Variants in GARS1 observed in about 807,000 individuals in gnomAD.
The protein encoded by GARS1 is glycine--tRNA ligase.
A neutral mutation model predicts 86.4 loss-of-function variants in GARS1; 46 were observed. The observed-to-expected ratio is 0.53, with a 90% CI of 0.42 to 0.68. The LOEUF (loss-of-function observed/expected upper bound fraction) is 0.68. Among genes scored for constraint, GARS1 ranks in the 30% least tolerant of loss-of-function variants. The probability of loss-of-function intolerance (pLI) is 0.00; values close to 1 mark genes in which losing one functional copy is unlikely to be tolerated. For missense variants in GARS1, 797 were observed against 915.6 expected (o/e 0.87, Z 1.67); for synonymous variants, 342 against 329.8 (o/e 1.04, Z -0.40).
chr7:30,625,255 C>G (rs964710664), intron 12 of GARS1, among the ~76,000 whole-genome samples: 1 of 152,090 alleles, frequency 6.6e-6, no homozygotes, highest in Non-Finnish European at 1.5e-5. Context: ...AATTGCAACT[C>G]TTTTATAGCT....
chr7:30,610,552 A>G (rs1476370329), intron 7 of GARS1, among the ~76,000 whole-genome samples: 1 of 152,204 alleles, frequency 6.6e-6, no homozygotes, highest in Non-Finnish European at 1.5e-5. Context: ...TGTTGCAGTT[A>G]ATTATTCTAA....
rs1204535363 is a variant in GARS1 at position 30,632,228 on chromosome 7, C to T, written c.1904-19C>T. On this transcript the variant is annotated intron_variant, in intron 15 of 16. Coordinates refer to ENST00000389266, the MANE Select transcript of GARS1 (RefSeq NM_002047.4). The surrounding 1 kb of genome is among the most constrained non-coding windows in gnomAD (Gnocchi z 4.1). The stretch of plus-strand genomic sequence containing the variant: ...ACTCCATTGTTTTATTTTTAATTTA[C>T]TTTGTTTATTTTGGATAGCGGAAGC... The T allele has an allele frequency of 4.3e-6, 7 of 1,612,404 alleles. No individual in the cohort carries two copies. The highest frequency in any genetic ancestry group is 1.3e-5 in the African/African-American group (1 of 74,952).
chr7:30,633,791 T>C lies in GARS1; in HGVS notation c.2151T>C (p.Ala717=). ...TAGCCAATGGCAACATCACATGGGCTGATGTGGAGGCCAGGTATCCTCTGT... is the reference window on the plus strand; with the variant it reads ...TAGCCAATGGCAACATCACATGGGCCGATGTGGAGGCCAGGTATCCTCTGT... The part of the protein sequence containing the change: ...QDLANGNITW[A]DVEARYPLFE... The change falls in exon 17 of 17, where the codon GCT becomes GCC. Residue 717 remains alanine (A), a synonymous_variant. Transcript: ENST00000389266. 6.2e-7 allele frequency: 1 copy of C among 1,614,006 alleles called. No homozygotes were observed. Among genetic ancestry groups the C allele is most frequent in the Non-Finnish European group, 8.5e-7 (1 of 1,179,964 alleles).
intron 10 of GARS1, among the ~76,000 whole-genome samples, chr7:30,619,017 TTTG>T: frequency 6.6e-6 from 1 of 152,358 alleles, no homozygotes; most frequent in South Asian, 2.1e-4. Flanking sequence ...TACTTTTCTT[TTTG>T]TTTCATACCC....
chr7:30,633,709 C>A, intron 16 of GARS1, 26 bp from the exon 17 acceptor site: 1 of 1,612,908 alleles, frequency 6.2e-7, no homozygotes, highest in South Asian at 1.1e-5. Context: ...TTGGTTGATA[C>A]TTGGCTTCTC....
intron 8 of GARS1, among the ~76,000 whole-genome samples, chr7:30,614,473 T>C (rs960725081): frequency 6.6e-6 from 1 of 152,220 alleles, no homozygotes; most frequent in African/African-American, 2.4e-5. Flanking sequence ...TGTTTGTTTC[T>C]CTCACATTTA....
At chr7:30,613,476 G>A (rs190362830) in intron 8 of GARS1, among the ~76,000 whole-genome samples, 2 of 152,198 alleles carry the variant, frequency 1.3e-5, no homozygotes, top group Admixed American at 1.3e-4. Context: ...AGGAAGCTGC[G>A]TAAGGCTGAC....
intron 1 of GARS1, among the ~76,000 whole-genome samples, chr7:30,598,289 G>A (rs114737667): frequency 0.011 from 1,641 of 151,542 alleles, 11 homozygotes; most frequent in African/African-American, 0.029. Flanking sequence ...TAACTTGCCC[G>A]TGTGTTCTTC....
Position 30,617,168 on chromosome 7 carries a change from C to T in GARS1, c.1249C>T (p.Leu417Phe). The T allele has an allele frequency of 6.2e-7, 1 of 1,614,054 alleles. No individual in the cohort carries two copies. Among genetic ancestry groups the T allele is most frequent in the African/African-American group, 1.3e-5 (1 of 75,034 alleles). ...TTTCATTGGCCGCATCTACCTCTAC[C>T]TCACGAAGGTTGGAATATCTCCAGA... ...GYFIGRIYLY[L>F]TKVGISPDKL... Residue 417 changes from leucine to phenylalanine, a missense_variant, in exon 10 of 17, where the codon CTC becomes TTC. Transcript: ENST00000389266.
At chr7:30,617,365 A>T in intron 10 of GARS1, 87 bp downstream of exon 10, 1 of 1,427,930 alleles carries the variant, frequency 7.0e-7, no homozygotes, top group South Asian at 1.2e-5. Context: ...ACTTTATGTC[A>T]CAGAGGAACA....
intron 8 of GARS1, 143 bp from the exon 9 acceptor site, chr7:30,615,753 C>A: frequency 1.1e-6 from 1 of 906,312 alleles, no homozygotes; most frequent in Non-Finnish European, 1.6e-6. Context: ...CCTTAGGAAA[C>A]CAACTTTCTG....
At chr7:30,600,096 A>G (rs1186810487) in intron 3 of GARS1, 47 bp downstream of exon 3, 1 of 1,291,716 alleles carries the variant, frequency 7.7e-7, no homozygotes, top group Non-Finnish European at 1.1e-6. Context: ...TAGTGGCTCT[A>G]ATATTATACT....
At chr7:30,612,065 T>C in intron 7 of GARS1, 31 bp from the exon 8 acceptor site, 4 of 1,592,440 alleles carry the variant, frequency 2.5e-6, no homozygotes, top group Non-Finnish European at 3.4e-6. Flanking sequence ...ATTTCTTTCT[T>C]TGTAACAGAC....
chr7:30,614,759 C>G (rs560513373), intron 8 of GARS1, among the ~76,000 whole-genome samples: 1 of 151,748 alleles, frequency 6.6e-6, no homozygotes, highest in African/African-American at 2.4e-5. Context: ...GCCTGTAGTC[C>G]CAGCTACTCG....
At chr7:30,626,423 ACAACC>A in intron 13 of GARS1, 104 bp downstream of exon 13, 2 of 741,508 alleles carry the variant, frequency 2.7e-6, no homozygotes. Context: ...GTGCAGTGGC[ACAACC>A]TCTGCCTCCC....
chr7:30,625,344 T>C (rs553898479), intron 12 of GARS1, among the ~76,000 whole-genome samples: 3 of 152,214 alleles, frequency 2.0e-5, no homozygotes, highest in Non-Finnish European at 4.4e-5. Flanking sequence ...CTTGAATGCA[T>C]GCACACACAG....
rs368832379 is a variant in GARS1 at position 30,615,906 on chromosome 7, A to G, written c.1042A>G (p.Met348Val). The G allele has an allele frequency of 2.0e-5, 33 of 1,614,210 alleles. No homozygotes were observed. Among genetic ancestry groups the G allele is most frequent in the East Asian group, 4.5e-5 (2 of 44,888 alleles). The change falls in exon 9 of 17, where the codon ATG becomes GTG. Residue 348 changes from methionine to valine, a missense_variant. Met to Val is a conservative substitution (Grantham distance 21, BLOSUM62 1). Transcript: ENST00000389266. ...CGTTTTTGCTTTCAGAGAATTCACAATGGCAGAAATTGAGCACTTTGTAGA... is the reference window on the plus strand; with the variant it reads ...CGTTTTTGCTTTCAGAGAATTCACAGTGGCAGAAATTGAGCACTTTGTAGA... ...SGLIRVREFTMAEIEHFVDPS... is the reference protein window; with the variant it reads ...SGLIRVREFTVAEIEHFVDPS...
intron 6 of GARS1, among the ~76,000 whole-genome samples, chr7:30,604,290 T>C (rs1791439819): frequency 6.6e-6 from 1 of 152,188 alleles, no homozygotes; most frequent in African/African-American, 2.4e-5. Context: ...CTGTTGGCTA[T>C]TCCGTTTAGG....
At chr7:30,619,604 G>A (rs1782960072) in intron 10 of GARS1, among the ~76,000 whole-genome samples, 1 of 151,850 alleles carries the variant, frequency 6.6e-6, no homozygotes. Context: ...ACATGTATAG[G>A]GAATGTCAGA....
Sources: gnomAD v4.1 joint callset for allele counts (sites outside exome capture counted in the v4.1 genomes callset) on GRCh38, gnomAD v4.1.1 for gene constraint, Gnocchi (gnomAD v3.1) non-coding constraint, MANE v1.5 for transcripts, NCBI Gene and HGNC (gene_info 2026-07-23, HGNC 2026-07-21) for gene names.